EYS: variants seen among roughly 807,000 people sequenced by gnomAD.
EYS encodes protein eyes shut homolog.
In EYS, 250 loss-of-function variants were observed where a neutral mutation model predicts 282.1. The observed-to-expected ratio is 0.89, with a 90% CI of 0.80 to 0.98. EYS has a LOEUF of 0.98. EYS is among the 50% of genes least tolerant of loss of function. The pLI, the probability that EYS is intolerant of heterozygous loss-of-function variation, is 0.00. For missense variants in EYS, 4,016 were observed against 3,709.0 expected (o/e 1.08, Z -2.15); for synonymous variants, 1,355 against 1,282.9 (o/e 1.06, Z -1.20).
Position 65,414,221 on chromosome 6 carries a change from T to G in EYS, c.863-8854A>C, listed in dbSNP as rs187041500. On this transcript the variant is annotated intron_variant, in intron 5 of 42. Coordinates refer to ENST00000503581, the MANE Select transcript of EYS (RefSeq NM_001142800.2). The stretch of plus-strand genomic sequence containing the variant: ...AAAGCTAAGAGACTGAGTCAACAAT[T>G]GTATGGGTATGGAGATGAGCTCAGA... Among the ~76,000 whole-genome samples the G allele has an allele frequency of 3.9e-5, 6 of 152,220 alleles. No individual in the cohort carries two copies. In the East Asian group the frequency reaches 1.2e-3, roughly 29 times the overall value.
intron 26 of EYS, among the ~76,000 whole-genome samples, chr6:64,505,659 G>A (rs545856653): frequency 4.9e-4 from 75 of 152,170 alleles, no homozygotes; most frequent in African/African-American, 1.8e-3. Flanking sequence ...GTCATGTACA[G>A]GGAAATTGTC....
chr6:65,093,478 A>T (rs1774633692), intron 12 of EYS, among the ~76,000 whole-genome samples: 1 of 151,992 alleles, frequency 6.6e-6, no homozygotes, highest in African/African-American at 2.4e-5. Flanking sequence ...ACAATATAAA[A>T]TAGGTAAACT....
rs78435545 is a variant in EYS at position 65,660,777 on chromosome 6, T to G, written c.-447-20885A>C. ...ACCTTAATTTCTTGATAATTCATTT[T>G]ATTTGCATGTGAAGCTTTGTAAACT... is the stretch of plus-strand genomic sequence containing the variant. On this transcript the variant is annotated intron_variant, in intron 1 of 42. Coordinates refer to ENST00000503581, the MANE Select transcript of EYS (RefSeq NM_001142800.2). 2.1e-3 allele frequency among the ~76,000 whole-genome samples: 322 copies of G among 151,994 alleles called. 3 individuals are homozygous for G. The highest frequency in any genetic ancestry group is 7.4e-3 in the African/African-American group (309 of 41,544).
intron 13 of EYS, among the ~76,000 whole-genome samples, chr6:65,048,770 A>G (rs748921042): frequency 2.0e-5 from 3 of 151,720 alleles, no homozygotes; most frequent in Non-Finnish European, 4.4e-5. Context: ...CATTTATCCG[A>G]CCTAGGAAAC....
intron 31 of EYS, among the ~76,000 whole-genome samples, chr6:64,084,914 T>C (rs558406351): frequency 1.3e-5 from 2 of 152,260 alleles, no homozygotes; most frequent in South Asian, 2.1e-4. Flanking sequence ...GAGGGGTACA[T>C]ATCTAGTCCG....
chr6:64,408,317 A>G (rs1448819170), intron 28 of EYS, among the ~76,000 whole-genome samples: 1 of 152,174 alleles, frequency 6.6e-6, no homozygotes. Context: ...CTGCTACATA[A>G]AAGAAAGAAA....
intron 6 of EYS, among the ~76,000 whole-genome samples, chr6:65,403,922 T>C (rs1487439733): frequency 1.3e-5 from 2 of 152,076 alleles, no homozygotes; most frequent in East Asian, 3.8e-4. Context: ...ATTGTATTAG[T>C]TTTCTATTTA....
intron 5 of EYS, among the ~76,000 whole-genome samples, chr6:65,454,406 C>T (rs956096558): frequency 1.6e-4 from 25 of 151,536 alleles, no homozygotes; most frequent in Admixed American, 1.5e-3. Context: ...GAATATAAAT[C>T]CTTTGTTAGA....
intron 19 of EYS, among the ~76,000 whole-genome samples, chr6:64,842,756 G>A (rs1765599968): frequency 6.6e-6 from 1 of 152,034 alleles, no homozygotes; most frequent in Admixed American, 6.6e-5. Context: ...ATGATTAAGA[G>A]TATCTGATGG....
At chr6:64,126,463 ATGT>A (rs1321294536) in intron 31 of EYS, among the ~76,000 whole-genome samples, 1 of 152,034 alleles carries the variant, frequency 6.6e-6, no homozygotes, top group Non-Finnish European at 1.5e-5. Context: ...CCAGTATCAA[ATGT>A]TGTGTTAAAA....
intron 41 of EYS, among the ~76,000 whole-genome samples, chr6:63,735,230 T>A (rs1174885524): frequency 2.0e-5 from 3 of 152,148 alleles, no homozygotes; most frequent in Non-Finnish European, 4.4e-5. Context: ...ACTTTTGAGT[T>A]GCTTTAAAAA....
chr6:65,029,086 GTCCTTTTGATTTATTC>G (rs1386146737), intron 13 of EYS, among the ~76,000 whole-genome samples: 1 of 152,068 alleles, frequency 6.6e-6, no homozygotes, highest in Non-Finnish European at 1.5e-5. Flanking sequence ...TGTCCCCTGT[GTCCTTTTGATTTATTC>G]TCCTTTTTCT....
chr6:64,067,001 G>T (rs1048710267), intron 32 of EYS, among the ~76,000 whole-genome samples: 4 of 151,730 alleles, frequency 2.6e-5, no homozygotes, highest in African/African-American at 9.7e-5. Context: ...GAAATATATA[G>T]AGAAAAGAGA....
intron 26 of EYS, among the ~76,000 whole-genome samples, chr6:64,513,033 A>G (rs1177430233): frequency 6.6e-6 from 1 of 151,926 alleles, no homozygotes; most frequent in Non-Finnish European, 1.5e-5. Context: ...AAACTTAAGT[A>G]GGATTGACCC....
At chr6:63,860,218 T>C (rs952733915) in intron 36 of EYS, among the ~76,000 whole-genome samples, 1 of 152,214 alleles carries the variant, frequency 6.6e-6, no homozygotes, top group African/African-American at 2.4e-5. Flanking sequence ...TAGAAAGTAT[T>C]GATGCCTGTT....
At chr6:65,094,425 T>C (rs1774677234) in intron 12 of EYS, among the ~76,000 whole-genome samples, 1 of 149,902 alleles carries the variant, frequency 6.7e-6, no homozygotes, top group Admixed American at 6.7e-5. Context: ...AGGATAAACA[T>C]TGTTTTTAAA....
chr6:65,477,991 G>A (rs1264278163), intron 5 of EYS, among the ~76,000 whole-genome samples: 1 of 152,090 alleles, frequency 6.6e-6, no homozygotes, highest in Non-Finnish European at 1.5e-5. Context: ...TTAAGATTAA[G>A]AACATCCCCA....
intron 28 of EYS, among the ~76,000 whole-genome samples, chr6:64,394,383 A>G (rs1380188292): frequency 6.6e-6 from 1 of 152,128 alleles, no homozygotes; most frequent in Non-Finnish European, 1.5e-5. Context: ...TTCAAACTAT[A>G]CTACAAGGCT....
At chr6:65,310,608 C>T (rs1218036205) in intron 11 of EYS, among the ~76,000 whole-genome samples, 2 of 152,170 alleles carry the variant, frequency 1.3e-5, no homozygotes, top group African/African-American at 2.4e-5. Flanking sequence ...CCTCTTCTGC[C>T]TCATCTGAAC....
Sources: gnomAD v4.1 joint callset for allele counts (sites outside exome capture counted in the v4.1 genomes callset) on GRCh38, gnomAD v4.1.1 for gene constraint, MANE v1.5 for transcripts, NCBI Gene and HGNC (gene_info 2026-07-23, HGNC 2026-07-21) for gene names.